The following ZSCAN20 variants were observed in gnomAD, a reference collection of about 807,000 sequenced individuals.
The protein encoded by ZSCAN20 is zinc finger and SCAN domain containing 20.
ZSCAN20 carries 39 observed loss-of-function variants against 97.1 expected under a neutral mutation model. The ratio of observed to expected loss-of-function variants is 0.40; its 90% confidence interval spans 0.31 to 0.52. ZSCAN20 has a LOEUF of 0.52. Ranked by LOEUF, ZSCAN20 falls within the 20% of genes least tolerant of loss-of-function variation. The pLI is 0.49. For synonymous variants in ZSCAN20, 456 were observed against 467.3 expected (o/e 0.98, Z 0.31); for missense variants, 1,115 against 1,290.4 (o/e 0.86, Z 2.08).
Position 33,501,368 on chromosome 1 carries a change from C to G in ZSCAN20, c.*5892C>G, listed in dbSNP as rs1180030868. On this transcript the variant is annotated 3_prime_UTR_variant, in exon 8 of 8. Transcript: ENST00000684572. ...GAGACATTTGTAATTGATTTTAATT[C>G]CCTCTTAGGGACTGTGAAATTAAAA... Among the ~76,000 whole-genome samples, 1 of 152,124 alleles carries G rather than the reference C, an allele frequency of 6.6e-6. No individual in the cohort carries two copies. The highest frequency in any genetic ancestry group is 2.4e-5 in the African/African-American group (1 of 41,414).
chr1:33,492,874 T>G (rs1396642601), intron 6 of ZSCAN20, among the ~76,000 whole-genome samples: 1 of 151,998 alleles, frequency 6.6e-6, no homozygotes, highest in East Asian at 1.9e-4. Context: ...TTACAGGCCT[T>G]TCCCTGAACT....
rs548634460 is a variant in ZSCAN20 at position 33,499,127 on chromosome 1, C to G, written c.*3651C>G. ...TCTGGGGCCCCCAGTGGGGATAGCT[C>G]TCTGCTTTCGGGCTGCAGAAAAGAA... On this transcript the variant is annotated 3_prime_UTR_variant, in exon 8 of 8. Transcript: ENST00000684572. Among the ~76,000 whole-genome samples the G allele has an allele frequency of 1.3e-4, 20 of 152,172 alleles. No homozygotes were observed. Among genetic ancestry groups the G allele is most frequent in the Non-Finnish European group, 2.5e-4 (17 of 68,036 alleles).
Position 33,496,613 on chromosome 1 carries a change from T to G in ZSCAN20, c.*1137T>G, listed in dbSNP as rs954316401. On this transcript the variant is annotated 3_prime_UTR_variant, in exon 8 of 8. Coordinates refer to ENST00000684572, the MANE Select transcript of ZSCAN20 (RefSeq NM_001377376.1). Reference sequence around the variant, plus strand: ...GGACAGTCCTACTTCTTGCCATGCTTGGCTGATCATAGGTTAACCCTAACA... The same window carrying G: ...GGACAGTCCTACTTCTTGCCATGCTGGGCTGATCATAGGTTAACCCTAACA... 6.6e-6 allele frequency: 1 copy of G among 152,226 alleles called. No individual in the cohort carries two copies. Among genetic ancestry groups the G allele is most frequent in the Non-Finnish European group, 1.5e-5 (1 of 68,052 alleles). 9.4% of individuals were successfully genotyped at this position (152,226 alleles called of 1,614,324 possible).
chr1:33,488,717 A>T, intron 3 of ZSCAN20, 66 bp downstream of exon 3: 1 of 1,531,178 alleles, frequency 6.5e-7, no homozygotes, highest in South Asian at 1.2e-5. Context: ...GAGGTGAGGA[A>T]GGGTGCATGG....
Position 33,494,608 on chromosome 1 carries a change from C to T in ZSCAN20, c.2264C>T (p.Thr755Ile), listed in dbSNP as rs187942390. 2 of 1,613,986 alleles carry T rather than the reference C, an allele frequency of 1.2e-6. No individual in the cohort carries two copies. Among genetic ancestry groups the T allele is most frequent in the East Asian group, 4.5e-5 (2 of 44,884 alleles). The change falls in exon 8 of 8, where the codon ACC becomes ATC. Residue 755 changes from threonine to isoleucine, a missense_variant. By Grantham distance (89) the Thr-to-Ile change is moderately conservative. Coordinates refer to ENST00000684572, the MANE Select transcript of ZSCAN20 (RefSeq NM_001377376.1). ...TTTAGTGACCGCTCTAACCTCAATA[C>T]CCATCAGAGAATCCACACTGGAGAG... is the stretch of plus-strand genomic sequence containing the variant. ...KNFSDRSNLN[T>I]HQRIHTGEKP...
intron 2 of ZSCAN20, among the ~76,000 whole-genome samples, chr1:33,488,050 T>C (rs917841833): frequency 6.6e-6 from 1 of 152,178 alleles, no homozygotes; most frequent in Admixed American, 6.5e-5. Flanking sequence ...GGGTTATAAT[T>C]TTATATTTTT....
At position 33,495,473 on chromosome 1, in the gene ZSCAN20, G is replaced by T. The variant is rs183670019; in HGVS notation, c.3129G>T (p.Ser1043=). ...HRRTHAGGKA[S] ...GAACCCATGCAGGAGGGAAGGCGTC[G>T]TAGGGGACAGTTTCCTCAACAACAA... The change falls in exon 8 of 8, where the codon TCG becomes TCT. Residue 1043 remains serine, a synonymous_variant. Coordinates refer to ENST00000684572, the MANE Select transcript of ZSCAN20 (RefSeq NM_001377376.1). 6.6e-7 allele frequency: 1 copy of T among 1,512,148 alleles called. No individual in the cohort carries two copies. The highest frequency in any genetic ancestry group is 8.9e-7 in the Non-Finnish European group (1 of 1,129,358). 93.7% of individuals were successfully genotyped at this position (1,512,148 alleles called of 1,614,324 possible).
chr1:33,473,190 C>T (rs971605126), intron 1 of ZSCAN20, among the ~76,000 whole-genome samples: 1 of 152,142 alleles, frequency 6.6e-6, no homozygotes, highest in Non-Finnish European at 1.5e-5. Flanking sequence ...CCCAAACCTG[C>T]ACTTCTTTCC....
rs1215520043 is a variant in ZSCAN20, at chr1:33,499,423, C to T, written c.*3947C>T. ...CTTCCAGATCTGTGTCCTGCTGTGG[C>T]CTCTCCTCTTAGGATCCCAGCTGCC... On this transcript the variant is annotated 3_prime_UTR_variant, in exon 8 of 8. Transcript: ENST00000684572. Among the ~76,000 whole-genome samples, 1 of 152,086 alleles carries T rather than the reference C, an allele frequency of 6.6e-6. No homozygotes were observed. Among genetic ancestry groups the T allele is most frequent in the Non-Finnish European group, 1.5e-5 (1 of 68,016 alleles).
At position 33,497,487 on chromosome 1, in the gene ZSCAN20, G is replaced by T. The variant is rs1305393190; in HGVS notation, c.*2011G>T. On this transcript the variant is annotated 3_prime_UTR_variant, in exon 8 of 8. Coordinates refer to ENST00000684572, the MANE Select transcript of ZSCAN20 (RefSeq NM_001377376.1). ...TCAGGGTGGGGTTGTATGATGGGAG[G>T]TTGGGAACAGGGAGCTGATATTAGA... 6.6e-6 allele frequency among the ~76,000 whole-genome samples: 1 copy of T among 152,200 alleles called. No homozygotes were observed. The highest frequency in any genetic ancestry group is 2.4e-5 in the African/African-American group (1 of 41,454).
Position 33,498,197 on chromosome 1 carries a change from C to T in ZSCAN20, c.*2721C>T, listed in dbSNP as rs984510927. On this transcript the variant is annotated 3_prime_UTR_variant, in exon 8 of 8. Coordinates refer to ENST00000684572, the MANE Select transcript of ZSCAN20 (RefSeq NM_001377376.1). ...CATGTAGCCCTGAGTTTTCTGGAGCCCTCACTGTGGAAGTCAAGCTGAGCT... is the reference window on the plus strand; with the variant it reads ...CATGTAGCCCTGAGTTTTCTGGAGCTCTCACTGTGGAAGTCAAGCTGAGCT... Among the ~76,000 whole-genome samples, 2 of 152,116 alleles carry T rather than the reference C, an allele frequency of 1.3e-5. No homozygotes were observed. Among genetic ancestry groups the T allele is most frequent in the African/African-American group, 4.8e-5 (2 of 41,426 alleles).
intron 7 of ZSCAN20, 58 bp from the exon 8 acceptor site, chr1:33,494,158 AAC>A (rs759118661): frequency 2.8e-4 from 405 of 1,436,680 alleles, no homozygotes; most frequent in Middle Eastern, 1.1e-3. Flanking sequence ...GACACACACA[AAC>A]ACACACACAC....
chr1:33,483,776 T>A (rs2148456229), intron 2 of ZSCAN20, among the ~76,000 whole-genome samples: 1 of 152,302 alleles, frequency 6.6e-6, no homozygotes, highest in African/African-American at 2.4e-5. Context: ...GGGTGTTGAA[T>A]CTGTAGATCA....
rs982722771 is a variant in ZSCAN20 at position 33,496,961 on chromosome 1, G to A, written c.*1485G>A. Among the ~76,000 whole-genome samples, 4 of 152,160 alleles carry A rather than the reference G, an allele frequency of 2.6e-5. No homozygotes were observed. Among genetic ancestry groups the A allele is most frequent in the Non-Finnish European group, 4.4e-5 (3 of 68,042 alleles). ...GGCCTCCAGAGTTTCTCCTTAGAAG[G>A]GTTTAAAACTGTTGACCAAGGACTT... On this transcript the variant is annotated 3_prime_UTR_variant, in exon 8 of 8. Coordinates refer to ENST00000684572, the MANE Select transcript of ZSCAN20 (RefSeq NM_001377376.1).
Position 33,494,551 on chromosome 1 carries a change from A to T in ZSCAN20, c.2207A>T (p.Lys736Met). ...CATCAGCGAATCCACACAGGTGAGA[A>T]GCCCTACAAATGCCTTGAATGTGGA... is the stretch of plus-strand genomic sequence containing the variant. ...IAHQRIHTGE[K>M]PYKCLECGKN... is the part of the protein sequence containing the mutation. Residue 736 changes from lysine to methionine, a missense_variant, in exon 8 of 8, where the codon AAG (lysine) becomes ATG (methionine). Physicochemically the swap from Lys to Met is moderately conservative, Grantham distance 95 (BLOSUM62 -1). Transcript: ENST00000684572. 3 of 1,614,088 alleles carry T rather than the reference A, an allele frequency of 1.9e-6. No individual in the cohort carries two copies. Among genetic ancestry groups the T allele is most frequent in the Non-Finnish European group, 2.5e-6 (3 of 1,179,898 alleles).
rs1186125620 is a variant in ZSCAN20 at position 33,494,617 on chromosome 1, G to T, written c.2273G>T (p.Arg758Ile). Residue 758 changes from arginine to isoleucine, a missense_variant, in exon 8 of 8, where the codon AGA becomes ATA. Physicochemically the swap from Arg to Ile is moderately conservative, Grantham distance 97 (BLOSUM62 -3). Transcript: ENST00000684572. ...CGCTCTAACCTCAATACCCATCAGA[G>T]AATCCACACTGGAGAGAAGCCCTAT... Reference protein sequence around the residue: ...SDRSNLNTHQRIHTGEKPYKC... With the variant: ...SDRSNLNTHQIIHTGEKPYKC... 2 of 1,613,848 alleles carry T rather than the reference G, an allele frequency of 1.2e-6. No homozygotes were observed. Among genetic ancestry groups the T allele is most frequent in the African/African-American group, 1.3e-5 (1 of 74,894 alleles).
intron 1 of ZSCAN20, among the ~76,000 whole-genome samples, chr1:33,477,765 G>A (rs1288282003): frequency 1.3e-5 from 2 of 151,130 alleles, no homozygotes; most frequent in African/African-American, 4.9e-5. Flanking sequence ...TCCTATATGT[G>A]CTGAGCACTG....
In ZSCAN20 at chr1:33,499,084, C is replaced by G. The variant is rs868777674; in HGVS notation, c.*3608C>G. Among the ~76,000 whole-genome samples, 1 of 152,190 alleles carries G rather than the reference C, an allele frequency of 6.6e-6. No individual in the cohort carries two copies. Among genetic ancestry groups the G allele is most frequent in the Admixed American group, 6.5e-5 (1 of 15,276 alleles). On this transcript the variant is annotated 3_prime_UTR_variant, in exon 8 of 8. Transcript: ENST00000684572. The stretch of plus-strand genomic sequence containing the variant: ...ATGTAGTCAGGCGCTCTGGGTAGTC[C>G]GTCCTGCCTCATCTTGTTCTGGGGC...
intron 2 of ZSCAN20, among the ~76,000 whole-genome samples, chr1:33,484,151 A>C (rs1460190963): frequency 6.6e-6 from 1 of 152,210 alleles, no homozygotes; most frequent in Admixed American, 6.5e-5. Flanking sequence ...ATTTGTGAAC[A>C]AAGAGTCTTT....
Sources: gnomAD v4.1 joint callset for allele counts (sites outside exome capture counted in the v4.1 genomes callset) on GRCh38, gnomAD v4.1.1 for gene constraint, MANE v1.5 for transcripts, NCBI Gene and HGNC (gene_info 2026-07-23, HGNC 2026-07-21) for gene names.